Variants in NELL2 observed in about 807,000 individuals in gnomAD.
NELL2 encodes the protein neural EGFL like 2, also known as protein kinase C-binding protein NELL2.
A neutral mutation model predicts 109.6 loss-of-function variants in NELL2; 41 were observed. The ratio of observed to expected loss-of-function variants is 0.37; its 90% CI spans 0.29 to 0.49. The LOEUF is 0.49. Among genes scored for constraint, NELL2 ranks in the 20% least tolerant of loss-of-function variants. The pLI, the probability that NELL2 is intolerant of heterozygous loss-of-function variation, is 0.98. For synonymous variants in NELL2, 355 were observed against 344.7 expected (o/e 1.03, Z -0.33); for missense variants, 900 against 1,008.3 (o/e 0.89, Z 1.45).
At chr12:44,850,855 C>T (rs1190033604) in intron 2 of NELL2, among the ~76,000 whole-genome samples, 1 of 151,996 alleles carries the variant, frequency 6.6e-6, no homozygotes, top group East Asian at 1.9e-4. Flanking sequence ...AATATAGATG[C>T]CAATGTTAAA....
intron 13 of NELL2, among the ~76,000 whole-genome samples, chr12:44,663,001 G>GA (rs1022037821): frequency 4.0e-5 from 6 of 151,888 alleles, no homozygotes; most frequent in African/African-American, 1.4e-4. Flanking sequence ...CTAAAATTTA[G>GA]AAAAAAATAA....
chr12:44,559,178 GC>G (rs995939902), intron 15 of NELL2, among the ~76,000 whole-genome samples: 2 of 152,162 alleles, frequency 1.3e-5, no homozygotes, highest in Admixed American at 1.3e-4. Flanking sequence ...CCTGCAGGAA[GC>G]AGTAAACATG....
At chr12:44,540,701 T>G (rs187847981) in intron 15 of NELL2, among the ~76,000 whole-genome samples, 1 of 145,312 alleles carries the variant, frequency 6.9e-6, no homozygotes, top group East Asian at 2.1e-4. Flanking sequence ...TGAATCAAAG[T>G]CCCCTGCATT....
chr12:44,832,166 A>T (rs958609487), intron 2 of NELL2, among the ~76,000 whole-genome samples: 1 of 152,214 alleles, frequency 6.6e-6, no homozygotes, highest in Non-Finnish European at 1.5e-5. Flanking sequence ...GCCATATAAG[A>T]ATGAGCCCCA....
chr12:44,894,424 T>C (rs1242677916), intron 1 of NELL2, among the ~76,000 whole-genome samples: 1 of 152,220 alleles, frequency 6.6e-6, no homozygotes, highest in Non-Finnish European at 1.5e-5. Context: ...TTTAAATTTT[T>C]ATCTAAAGCA....
intron 3 of NELL2, among the ~76,000 whole-genome samples, chr12:44,811,954 A>T (rs1943192887): frequency 6.6e-6 from 1 of 152,078 alleles, no homozygotes; most frequent in East Asian, 1.9e-4. Context: ...GCTCAGAAGA[A>T]GCGTCACAAT....
chr12:44,660,844 T>C (rs923297512), intron 13 of NELL2, among the ~76,000 whole-genome samples: 1 of 152,178 alleles, frequency 6.6e-6, no homozygotes, highest in African/African-American at 2.4e-5. Context: ...GATTCTGTTA[T>C]AGGTAGTTAG....
At chr12:44,557,960 G>C (rs1420702477) in intron 15 of NELL2, among the ~76,000 whole-genome samples, 2 of 152,298 alleles carry the variant, frequency 1.3e-5, no homozygotes, top group African/African-American at 4.8e-5. Flanking sequence ...GACACTGGAT[G>C]TAGCAATTCA....
chr12:44,775,878 AG>A (rs1487921026), intron 8 of NELL2, 143 bp downstream of exon 8: 15 of 802,884 alleles, frequency 1.9e-5, no homozygotes, highest in Non-Finnish European at 2.8e-5. Flanking sequence ...ACAGTTCTTT[AG>A]ATATGACCAG....
intron 19 of NELL2, among the ~76,000 whole-genome samples, chr12:44,514,161 A>T (rs1941142602): frequency 6.6e-6 from 1 of 151,946 alleles, no homozygotes; most frequent in Non-Finnish European, 1.5e-5. Context: ...TCAATCCTGA[A>T]TTCTATGTCC....
At chr12:44,569,534 A>C (rs1943783261) in intron 15 of NELL2, among the ~76,000 whole-genome samples, 1 of 152,106 alleles carries the variant, frequency 6.6e-6, no homozygotes, top group Admixed American at 6.6e-5. Flanking sequence ...TCCTTTAACT[A>C]AACTAATCAT....
At chr12:44,903,432 G>T (rs1397313799) in intron 1 of NELL2, among the ~76,000 whole-genome samples, 2 of 152,040 alleles carry the variant, frequency 1.3e-5, no homozygotes, top group African/African-American at 2.4e-5. Context: ...GCTTTTACAT[G>T]GTTGGTGGGA....
intron 9 of NELL2, among the ~76,000 whole-genome samples, chr12:44,743,954 T>C (rs1280590490): frequency 6.6e-6 from 1 of 152,116 alleles, no homozygotes; most frequent in Admixed American, 6.5e-5. Flanking sequence ...GCGGACCTAA[T>C]AGACATCTAC....
chr12:44,594,149 G>A (rs1192661564), intron 15 of NELL2, among the ~76,000 whole-genome samples: 4 of 151,984 alleles, frequency 2.6e-5, no homozygotes, highest in Non-Finnish European at 4.4e-5. Flanking sequence ...TGGGGGTGGC[G>A]GGATAGGAGA....
chr12:44,692,327 A>C (rs985968638), intron 12 of NELL2, among the ~76,000 whole-genome samples: 1 of 152,174 alleles, frequency 6.6e-6, no homozygotes, highest in Non-Finnish European at 1.5e-5. Flanking sequence ...CTAAAGATTT[A>C]AAGTCCACTG....
chr12:44,838,845 A>G lies in NELL2; in HGVS notation c.185-22709T>C, dbSNP rs1018702052. 7.2e-5 allele frequency among the ~76,000 whole-genome samples: 11 copies of G among 152,348 alleles called. 1 individual carries two copies. The highest frequency in any genetic ancestry group is 1.9e-4 in the East Asian group (1 of 5,194). On this transcript the variant is annotated intron_variant, in intron 2 of 19. Transcript: ENST00000429094. ...GAACACTTCTTTAAGATAAATGGAT[A>G]TAAACAGTCATTTCAATATGCAGAC...
In NELL2 at chr12:44,741,899, C is replaced by T. The variant is rs183228813; in HGVS notation, c.995-27158G>A. Among the ~76,000 whole-genome samples the T allele has an allele frequency of 1.3e-4, 20 of 152,312 alleles. No individual in the cohort carries two copies. In the East Asian group the frequency reaches 3.7e-3, roughly 28 times the overall value. On this transcript the variant is annotated intron_variant, in intron 9 of 19. Coordinates refer to ENST00000429094, the MANE Select transcript of NELL2 (RefSeq NM_001145108.2). ...CCTCTGTGGGCAGGGCACAGACAAA[C>T]AAAAAGACAGCAGTAACCTCTGCAG... is the stretch of plus-strand genomic sequence containing the variant.
intron 12 of NELL2, among the ~76,000 whole-genome samples, chr12:44,667,645 A>G (rs1947972161): frequency 6.6e-6 from 1 of 152,238 alleles, no homozygotes; most frequent in African/African-American, 2.4e-5. Flanking sequence ...GACAAGGATC[A>G]TAACAGCGAG....
chr12:44,676,126 A>G (rs1948308408), intron 12 of NELL2, among the ~76,000 whole-genome samples: 1 of 152,170 alleles, frequency 6.6e-6, no homozygotes, highest in African/African-American at 2.4e-5. Context: ...TCAATTGCAA[A>G]GACTCCACAT....
Sources: allele counts gnomAD v4.1 joint callset (sites outside exome capture counted in the v4.1 genomes callset), GRCh38; gene constraint gnomAD v4.1.1; transcripts MANE v1.5; gene names NCBI Gene and HGNC (gene_info 2026-07-23, HGNC 2026-07-21).